Variants in CATSPERE observed in about 807,000 individuals in gnomAD.
CATSPERE encodes cation channel sperm-associated auxiliary subunit epsilon.
In CATSPERE, 93 loss-of-function variants were observed where a neutral mutation model predicts 114.1. That is an observed-to-expected ratio of 0.81 (90% CI 0.69 to 0.97). The LOEUF (loss-of-function observed/expected upper bound fraction) is 0.97. Among genes scored for constraint, CATSPERE ranks in the 50% least tolerant of loss-of-function variants. CATSPERE has a pLI of 0.00. For missense variants in CATSPERE, 1,058 were observed against 1,131.6 expected, an observed-to-expected ratio of 0.93 and a Z score of 0.93; for synonymous variants, 341 against 384.1, an observed-to-expected ratio of 0.89 and a Z score of 1.31.
At position 244,586,075 on chromosome 1, in the gene CATSPERE, GTC is replaced by G. The variant is rs1666982681; in HGVS notation, c.2085+2140_2085+2141del. Among the ~76,000 whole-genome samples the G allele has an allele frequency of 1.3e-5, 2 of 152,176 alleles. 1 individual carries two copies. Among genetic ancestry groups the G allele is most frequent in the Admixed American group, 1.3e-4 (2 of 15,272 alleles). ...GTTAAGGCAGGAGCTGTCCGGCTCC[GTC>G]TCTGCACTAAGGAGAAGTGTTGTCA... On this transcript the variant is annotated intron_variant, in intron 13 of 21. Coordinates refer to ENST00000366534, the MANE Select transcript of CATSPERE (RefSeq NM_001130957.2).
chr1:244,489,814 T>C (rs972308081), intron 5 of CATSPERE, among the ~76,000 whole-genome samples: 1 of 152,074 alleles, frequency 6.6e-6, no homozygotes, highest in African/African-American at 2.4e-5. Context: ...TTTGGAATTC[T>C]CAAGCAAACA....
chr1:244,580,300 G>A (rs948610532), intron 11 of CATSPERE, among the ~76,000 whole-genome samples: 4 of 148,256 alleles, frequency 2.7e-5, no homozygotes, highest in Non-Finnish European at 4.4e-5. Flanking sequence ...TGATCTCTTC[G>A]ATAGGGCACT....
At chr1:244,519,068 A>G (rs28550047) in intron 8 of CATSPERE, among the ~76,000 whole-genome samples, 18,480 of 152,144 alleles carry the variant, frequency 0.12, 1,883 homozygotes, top group African/African-American at 0.28. Flanking sequence ...GAAAGGCAAG[A>G]TACATTACTG....
At chr1:244,588,991 A>G (rs1408013668) in intron 14 of CATSPERE, among the ~76,000 whole-genome samples, 1 of 152,210 alleles carries the variant, frequency 6.6e-6, no homozygotes, top group Non-Finnish European at 1.5e-5. Flanking sequence ...GAAATTTCTT[A>G]GAACAAGCCT....
At chr1:244,547,322 A>G (rs12033833) in intron 8 of CATSPERE, among the ~76,000 whole-genome samples, 1 of 152,286 alleles carries the variant, frequency 6.6e-6, no homozygotes, top group East Asian at 1.9e-4. Flanking sequence ...AAGAAATACT[A>G]AAAGGAGTGC....
chr1:244,593,620 T>C, intron 17 of CATSPERE, 42 bp downstream of exon 17: 1 of 1,529,376 alleles, frequency 6.5e-7, no homozygotes, highest in South Asian at 1.2e-5. Flanking sequence ...TATTGAAAGT[T>C]TCAAACTCAA....
At chr1:244,468,631 G>A (rs1187873160) in intron 2 of CATSPERE, among the ~76,000 whole-genome samples, 4 of 152,126 alleles carry the variant, frequency 2.6e-5, no homozygotes, top group Admixed American at 2.6e-4. Flanking sequence ...TTAAGAGAAA[G>A]GAAGGGGCCT....
chr1:244,547,495 A>C (rs964607823), intron 8 of CATSPERE, among the ~76,000 whole-genome samples: 4 of 152,188 alleles, frequency 2.6e-5, no homozygotes. Flanking sequence ...TAAAAATAAC[A>C]ACCACAATAA....
intron 5 of CATSPERE, among the ~76,000 whole-genome samples, chr1:244,483,725 A>G (rs1390448790): frequency 6.6e-6 from 1 of 152,072 alleles, no homozygotes; most frequent in African/African-American, 2.4e-5. Flanking sequence ...ATTATCACTT[A>G]TATATGTATT....
intron 8 of CATSPERE, among the ~76,000 whole-genome samples, chr1:244,519,281 C>G (rs1677139504): frequency 6.6e-6 from 1 of 152,142 alleles, no homozygotes; most frequent in Non-Finnish European, 1.5e-5. Flanking sequence ...TGCACCAACT[C>G]TGGCCTGGAG....
intron 2 of CATSPERE, among the ~76,000 whole-genome samples, chr1:244,475,969 T>C (rs917001721): frequency 1.3e-5 from 2 of 152,200 alleles, no homozygotes; most frequent in African/African-American, 4.8e-5. Flanking sequence ...TCCAAATATC[T>C]TAGGATTTTT....
At chr1:244,629,466 C>G (rs1371586314) in intron 20 of CATSPERE, among the ~76,000 whole-genome samples, 1 of 148,400 alleles carries the variant, frequency 6.7e-6, no homozygotes, top group Non-Finnish European at 1.5e-5. Context: ...AACAGTATAT[C>G]ATGTACCCCA....
chr1:244,575,421 G>A lies in CATSPERE; in HGVS notation c.1950+2649G>A, dbSNP rs760273191. On this transcript the variant is annotated intron_variant, in intron 11 of 21. Transcript: ENST00000366534. The surrounding 1 kb of genome is among the most constrained non-coding windows in gnomAD (Gnocchi z 4.5). ...TGCGCGGCATGGTATCCTGGCCCCG[G>A]CACACTCACACTTTCCTGCTCAGCT... 6.6e-5 allele frequency among the ~76,000 whole-genome samples: 10 copies of A among 152,182 alleles called. No individual in the cohort carries two copies. Among genetic ancestry groups the A allele is most frequent in the Non-Finnish European group, 1.2e-4 (8 of 68,030 alleles).
chr1:244,609,370 T>A (rs935841497), intron 18 of CATSPERE, among the ~76,000 whole-genome samples: 2 of 151,968 alleles, frequency 1.3e-5, no homozygotes, highest in Middle Eastern at 3.4e-3. Context: ...TTTTTTTTTT[T>A]TAGAGAGTCT....
chr1:244,623,753 C>T (rs965265163), intron 20 of CATSPERE, among the ~76,000 whole-genome samples: 4 of 152,186 alleles, frequency 2.6e-5, no homozygotes, highest in Non-Finnish European at 5.9e-5. Context: ...TTACACTATA[C>T]TGTAGTCTAT....
chr1:244,613,513 TATAGG>T (rs1189059336), intron 19 of CATSPERE, among the ~76,000 whole-genome samples: 4 of 152,162 alleles, frequency 2.6e-5, no homozygotes, highest in African/African-American at 7.2e-5. Flanking sequence ...AAAATGTAAT[TATAGG>T]ATAATTCACC....
At chr1:244,550,406 T>G (rs887707354) in intron 8 of CATSPERE, among the ~76,000 whole-genome samples, 1 of 152,186 alleles carries the variant, frequency 6.6e-6, no homozygotes, top group African/African-American at 2.4e-5. Flanking sequence ...AGTCACAGTT[T>G]TAAAAATTAA....
intron 10 of CATSPERE, 125 bp from the exon 11 acceptor site, chr1:244,572,201 TCTAA>T (rs1664563487): frequency 1.6e-6 from 1 of 630,692 alleles, no homozygotes; most frequent in Non-Finnish European, 2.8e-6. Flanking sequence ...ATCTGCACAT[TCTAA>T]CTTTCTCAAA....
chr1:244,614,793 T>C (rs921781891), intron 19 of CATSPERE, among the ~76,000 whole-genome samples: 2 of 152,086 alleles, frequency 1.3e-5, no homozygotes, highest in Admixed American at 6.5e-5. Flanking sequence ...CTCCTCATCT[T>C]TTTTCTTATT....
Sources: allele counts gnomAD v4.1 joint callset (sites outside exome capture counted in the v4.1 genomes callset), GRCh38; gene constraint gnomAD v4.1.1; non-coding constraint Gnocchi (gnomAD v3.1); transcripts MANE v1.5; gene names NCBI Gene and HGNC (gene_info 2026-07-23, HGNC 2026-07-21).